Variants in ZFP64 observed in about 807,000 individuals in gnomAD.
ZFP64 encodes the protein zinc finger protein 64.
A neutral mutation model predicts 51.6 loss-of-function variants in ZFP64; 14 were observed. The ratio of observed to expected loss-of-function variants is 0.27; its 90% CI spans 0.18 to 0.42. The LOEUF (loss-of-function observed/expected upper bound fraction) is 0.42. Among genes scored for constraint, ZFP64 ranks in the 10% least tolerant of loss-of-function variants. ZFP64 has a pLI of 1.00. For missense variants in ZFP64, 754 were observed against 906.8 expected (o/e 0.83, Z 2.16); for synonymous variants, 375 against 361.4 (o/e 1.04, Z -0.43).
intron 5 of ZFP64, among the ~76,000 whole-genome samples, chr20:52,123,042 C>T (rs1298558015): frequency 6.6e-6 from 1 of 151,844 alleles, no homozygotes; most frequent in Non-Finnish European, 1.5e-5. Flanking sequence ...GGTTGGAGTG[C>T]AGTGGTGGTG....
chr20:52,166,322 T>C (rs916919461), intron 2 of ZFP64, among the ~76,000 whole-genome samples: 2 of 152,186 alleles, frequency 1.3e-5, no homozygotes, highest in Non-Finnish European at 1.5e-5. Flanking sequence ...CTGGCTGCCC[T>C]ACTTCCTGTC....
chr20:52,191,465 G>T lies in ZFP64; in HGVS notation c.46+126C>A. ...CGCCCGCCGCGGTCCCCGAGACGCG[G>T]CTCCGAGCCGTCACCCCGATTTCGG... is the stretch of plus-strand genomic sequence containing the variant. On this transcript the variant is annotated intron_variant, in intron 1 of 5. Transcript: ENST00000216923. The surrounding 1 kb of genome is among the most constrained non-coding windows in gnomAD (Gnocchi z 4.3). 8.2e-7 allele frequency: 1 copy of T among 1,215,686 alleles called. No homozygotes were observed. The allele number at this position is 1,215,686 out of a possible 1,614,324, so 75.3% of individuals were successfully genotyped here.
intron 1 of ZFP64, among the ~76,000 whole-genome samples, chr20:52,188,769 G>A (rs1984158602): frequency 6.6e-6 from 1 of 151,432 alleles, no homozygotes; most frequent in South Asian, 2.1e-4. Context: ...TCAGGAGAGC[G>A]AGACCATCCT....
At chr20:52,185,170 C>T (rs1339216036) in intron 2 of ZFP64, among the ~76,000 whole-genome samples, 1 of 152,014 alleles carries the variant, frequency 6.6e-6, no homozygotes. Flanking sequence ...ATTACAGGCA[C>T]GTGACACCAC....
At chr20:52,100,678 C>A (rs2079041144) in intron 5 of ZFP64, among the ~76,000 whole-genome samples, 1 of 152,182 alleles carries the variant, frequency 6.6e-6, no homozygotes, top group Non-Finnish European at 1.5e-5. Flanking sequence ...GGAATCTTAG[C>A]ATGAGAGGCT....
At chr20:52,098,688 T>A (rs1867888926) in intron 5 of ZFP64, 1 of 1,488,942 alleles carries the variant, frequency 6.7e-7, no homozygotes, top group Non-Finnish European at 9.1e-7. Flanking sequence ...CCTTCACCTT[T>A]CCAGAAAAAA....
intron 5 of ZFP64, among the ~76,000 whole-genome samples, chr20:52,102,092 G>A (rs774492650): frequency 1.1e-5 from 1 of 94,940 alleles, no homozygotes; most frequent in Admixed American, 1.2e-4. Context: ...AGCCTGGTGA[G>A]AGTAACTCCA....
At chr20:52,105,223 C>T in intron 5 of ZFP64, 1 of 1,357,336 alleles carries the variant, frequency 7.4e-7, no homozygotes, top group Non-Finnish European at 9.4e-7. Flanking sequence ...GCTTGGCCTG[C>T]TTGCGCCGCG....
At chr20:52,132,842 T>TGA in intron 5 of ZFP64, among the ~76,000 whole-genome samples, 1 of 152,160 alleles carries the variant, frequency 6.6e-6, no homozygotes, top group African/African-American at 2.4e-5. Flanking sequence ...GAGGGAATAT[T>TGA]TCCAGACTCA....
Position 52,111,036 on chromosome 20 carries a change from G to GCCT in ZFP64, c.764-12450_764-12449insAGG, listed in dbSNP as rs1978538666. On this transcript the variant is annotated intron_variant, in intron 5 of 8. Coordinates refer to the ZFP64 transcript ENST00000361387. ...GGGGAAGGGCGCGCTTGGTGTGCAG[G>GCCT]CCGCTGCTGCCATGCGGAGCGGAGA... 3.2e-5 allele frequency: 45 copies of GCCT among 1,402,548 alleles called. No homozygotes were observed. In the South Asian group the frequency reaches 5.2e-4, roughly 16 times the overall value. 86.9% of individuals were successfully genotyped at this position (1,402,548 alleles called of 1,614,324 possible). A position where few individuals can be genotyped will look rare whatever the true frequency, so the allele number is the denominator to read the frequency against.
At chr20:52,182,588 G>A (rs773479388) in intron 2 of ZFP64, among the ~76,000 whole-genome samples, 3 of 152,104 alleles carry the variant, frequency 2.0e-5, no homozygotes, top group East Asian at 1.9e-4. Context: ...ATATGGTGGC[G>A]CAGGCCTGTA....
At chr20:52,097,892 C>A (rs1350817195) in intron 6 of ZFP64, among the ~76,000 whole-genome samples, 1 of 82,432 alleles carries the variant, frequency 1.2e-5, no homozygotes, top group East Asian at 4.3e-4. Flanking sequence ...AACGTAGAGA[C>A]CCCCGCCCCC....
chr20:52,186,248 G>T (rs1314488968), intron 2 of ZFP64, among the ~76,000 whole-genome samples: 1 of 152,034 alleles, frequency 6.6e-6, no homozygotes, highest in Non-Finnish European at 1.5e-5. Context: ...TGTGTGTGTA[G>T]GTGTTTGTGG....
rs3787181 is a variant in ZFP64 at position 52,151,873 on chromosome 20, C to T, written c.*273G>A. The T allele has an allele frequency of 0.2, 194,825 of 975,558 alleles. 21,139 individuals carry two copies. Among genetic ancestry groups the T allele is most frequent in the Admixed American group, 0.27 (7,089 of 26,488 alleles). The allele number at this position is 975,558 out of a possible 1,614,324, so 60.4% of individuals were successfully genotyped here. On this transcript the variant is annotated 3_prime_UTR_variant, in exon 6 of 6. Coordinates refer to ENST00000216923, the MANE Select transcript of ZFP64 (RefSeq NM_018197.3). Reference sequence around the variant, plus strand: ...TCAACATGATGAAACCCCGTCTCTACTAAATATACAAAAATTAGCCAGTCA... The same window carrying T: ...TCAACATGATGAAACCCCGTCTCTATTAAATATACAAAAATTAGCCAGTCA...
chr20:52,158,079 T>C (rs1295108899), intron 5 of ZFP64, among the ~76,000 whole-genome samples: 1 of 152,228 alleles, frequency 6.6e-6, no homozygotes, highest in Non-Finnish European at 1.5e-5. Context: ...TTGATGGGCA[T>C]TTGGGTTGGT....
At chr20:52,116,822 C>A (rs6091448) in intron 5 of ZFP64, among the ~76,000 whole-genome samples, 26,705 of 152,168 alleles carry the variant, frequency 0.18, 2,478 homozygotes, top group Non-Finnish European at 0.21. Context: ...GTAATCTCAG[C>A]ACTTTGGGAG....
intron 5 of ZFP64, chr20:52,098,701 TA>T (rs941479452): frequency 1.7e-5 from 24 of 1,420,760 alleles, no homozygotes; most frequent in Admixed American, 4.2e-5. Flanking sequence ...AGAAAAAATT[TA>T]AAAAAAATGA....
At chr20:52,174,788 A>C (rs1467028512) in intron 2 of ZFP64, among the ~76,000 whole-genome samples, 2 of 152,202 alleles carry the variant, frequency 1.3e-5, no homozygotes, top group Admixed American at 1.3e-4. Flanking sequence ...TTGAAATTGA[A>C]GACTTGGGTT....
At chr20:52,150,757 C>T (rs1186998080), downstream of ZFP64, among the ~76,000 whole-genome samples, 1 of 152,216 alleles carries the variant, frequency 6.6e-6, no homozygotes, top group Non-Finnish European at 1.5e-5. Context: ...CCAATCCTTG[C>T]TGACAGCAGA....
Sources: gnomAD v4.1 joint callset for allele counts (sites outside exome capture counted in the v4.1 genomes callset) on GRCh38, gnomAD v4.1.1 for gene constraint, Gnocchi (gnomAD v3.1) non-coding constraint, MANE v1.5 for transcripts, NCBI Gene and HGNC (gene_info 2026-07-23, HGNC 2026-07-21) for gene names.